Variants in C1orf21 observed in about 807,000 individuals in gnomAD.
C1orf21 encodes the protein chromosome 1 open reading frame 21, also known as uncharacterized protein C1orf21.
C1orf21 carries 3 observed loss-of-function variants against 18.7 expected under a neutral mutation model. The ratio of observed to expected loss-of-function variants is 0.16; its 90% CI spans 0.07 to 0.42. The LOEUF is 0.42. Ranked by LOEUF, C1orf21 falls within the 10% of genes least tolerant of loss-of-function variation. The pLI, the probability that C1orf21 is intolerant of heterozygous loss-of-function variation, is 0.99. For synonymous variants in C1orf21, 41 were observed against 46.4 expected, an observed-to-expected ratio of 0.88 and a Z score of 0.47; for missense variants, 104 against 143.6, an observed-to-expected ratio of 0.72 and a Z score of 1.41.
intron 1 of C1orf21, among the ~76,000 whole-genome samples, chr1:184,445,723 A>G (rs1484866602): frequency 1.3e-5 from 2 of 152,184 alleles, no homozygotes; most frequent in South Asian, 4.1e-4. Flanking sequence ...TGTGGCCCTT[A>G]GGAGGGCATT....
intron 3 of C1orf21, among the ~76,000 whole-genome samples, chr1:184,579,204 ATTTT>A (rs71101937): frequency 5.1e-5 from 7 of 136,726 alleles, no homozygotes; most frequent in East Asian, 2.1e-4. Flanking sequence ...TGCCTGGCTA[ATTTT>A]TTTTTTTTTT....
chr1:184,480,813 A>C (rs1411518208), intron 2 of C1orf21, among the ~76,000 whole-genome samples: 1 of 152,104 alleles, frequency 6.6e-6, no homozygotes, highest in Non-Finnish European at 1.5e-5. Context: ...GGAGGGAGTG[A>C]GCAGTTGGGG....
chr1:184,627,029 C>T lies in C1orf21; in HGVS notation c.*7473C>T, dbSNP rs1660022655. The T allele has an allele frequency of 6.6e-6, 1 of 152,640 alleles. No homozygotes were observed. Among genetic ancestry groups the T allele is most frequent in the Non-Finnish European group, 1.5e-5 (1 of 68,074 alleles). 9.5% of individuals were successfully genotyped at this position (152,640 alleles called of 1,614,324 possible). A position where few individuals can be genotyped will look rare whatever the true frequency, so the allele number is the denominator to read the frequency against. On this transcript the variant is annotated 3_prime_UTR_variant, in exon 6 of 6. Coordinates refer to ENST00000235307, the MANE Select transcript of C1orf21 (RefSeq NM_030806.4). ...CATACACCTGGTGGCCAAGCCTCTGCTGGGTCCCAAATACACACCCGAGTC... is the reference window on the plus strand; with the variant it reads ...CATACACCTGGTGGCCAAGCCTCTGTTGGGTCCCAAATACACACCCGAGTC...
At chr1:184,419,832 G>C (rs1439982119) in intron 1 of C1orf21, among the ~76,000 whole-genome samples, 2 of 152,166 alleles carry the variant, frequency 1.3e-5, no homozygotes, top group Admixed American at 1.3e-4. Flanking sequence ...TGGCTGGAGG[G>C]ATGAGCAAAG....
chr1:184,442,347 A>G (rs1294584062), intron 1 of C1orf21, among the ~76,000 whole-genome samples: 1 of 152,170 alleles, frequency 6.6e-6, no homozygotes, highest in Admixed American at 6.5e-5. Context: ...GGCCTTTGTT[A>G]AGTCACTTTG....
chr1:184,511,971 T>G (rs1252302157), intron 3 of C1orf21, among the ~76,000 whole-genome samples: 1 of 152,264 alleles, frequency 6.6e-6, no homozygotes, highest in Non-Finnish European at 1.5e-5. Context: ...TAATTTAAAA[T>G]GAGACTTGGG....
intron 3 of C1orf21, among the ~76,000 whole-genome samples, chr1:184,564,485 T>G (rs1323995579): frequency 5.9e-5 from 9 of 152,086 alleles, no homozygotes; most frequent in African/African-American, 2.2e-4. Flanking sequence ...TTTTTGTATT[T>G]TTAGTAGAGA....
intron 3 of C1orf21, among the ~76,000 whole-genome samples, chr1:184,569,286 G>A (rs754804962): frequency 5.3e-5 from 8 of 152,294 alleles, no homozygotes; most frequent in Middle Eastern, 3.4e-3. Flanking sequence ...GTGGTGGTTC[G>A]CTAATTTGGA....
At chr1:184,554,598 A>G (rs1375371292) in intron 3 of C1orf21, among the ~76,000 whole-genome samples, 1 of 152,246 alleles carries the variant, frequency 6.6e-6, no homozygotes, top group Non-Finnish European at 1.5e-5. Context: ...TAAAAAAATA[A>G]GTGATGGTTT....
At position 184,425,360 on chromosome 1, in the gene C1orf21, G is replaced by T. The variant is rs1419571410; in HGVS notation, c.-125+37992G>T. 2.0e-5 allele frequency among the ~76,000 whole-genome samples: 3 copies of T among 151,876 alleles called. No homozygotes were observed. In the South Asian group the frequency reaches 6.3e-4, roughly 32 times the overall value. ...TTGGCCCTGCAGCCTCCACCTCCTG[G>T]GTTCAAGCAATCCTCCTGCCTCAGC... On this transcript the variant is annotated intron_variant, in intron 1 of 5. Transcript: ENST00000235307.
chr1:184,580,942 A>G (rs546298660), intron 3 of C1orf21, among the ~76,000 whole-genome samples: 1 of 152,304 alleles, frequency 6.6e-6, no homozygotes, highest in African/African-American at 2.4e-5. Flanking sequence ...CCTCTCTTGA[A>G]TTTAGATGTG....
intron 1 of C1orf21, among the ~76,000 whole-genome samples, chr1:184,441,078 T>C (rs1656936520): frequency 6.6e-6 from 1 of 152,192 alleles, no homozygotes; most frequent in Non-Finnish European, 1.5e-5. Flanking sequence ...CCTCTTAAAA[T>C]TCTAAGTCTT....
Position 184,612,593 on chromosome 1 carries a change from G to A in C1orf21, c.328-6925G>A, listed in dbSNP as rs147906361. Among the ~76,000 whole-genome samples, 1,134 of 152,216 alleles carry A rather than the reference G, an allele frequency of 7.4e-3. 14 individuals are homozygous for A. The highest frequency in any genetic ancestry group is 0.026 in the African/African-American group (1,091 of 41,528). ...ATACAAAAATTAGCCAGGCGTGGTG[G>A]TGCATGCTACTCGGGAGGCGAAGGT... On this transcript the variant is annotated intron_variant, in intron 5 of 5. Coordinates refer to ENST00000235307, the MANE Select transcript of C1orf21 (RefSeq NM_030806.4).
In C1orf21 at chr1:184,411,856, T is replaced by A. The variant is rs114690800; in HGVS notation, c.-125+24488T>A. On this transcript the variant is annotated intron_variant, in intron 1 of 5. Transcript: ENST00000235307. Reference sequence around the variant, plus strand: ...GATGTGAGATACAAAACTTATTTGATGCTCTCCTGGTGCTAATATGGTTGG... The same window carrying A: ...GATGTGAGATACAAAACTTATTTGAAGCTCTCCTGGTGCTAATATGGTTGG... 8.6e-3 allele frequency among the ~76,000 whole-genome samples: 1,314 copies of A among 152,100 alleles called. 17 individuals are homozygous for A. The highest frequency in any genetic ancestry group is 0.03 in the African/African-American group (1,257 of 41,332).
At position 184,621,652 on chromosome 1, in the gene C1orf21, A is replaced by G. The variant is rs1307651370; in HGVS notation, c.*2096A>G. The G allele has an allele frequency of 2.0e-5, 3 of 152,170 alleles. No homozygotes were observed. The highest frequency in any genetic ancestry group is 3.9e-4 in the East Asian group (2 of 5,194). 9.4% of individuals were successfully genotyped at this position (152,170 alleles called of 1,614,324 possible). ...TGTCTCAGACAGTGTCTTCCCAGAA[A>G]ACCACCACCCTCTACCCAAAGATGA... On this transcript the variant is annotated 3_prime_UTR_variant, in exon 6 of 6. Coordinates refer to ENST00000235307, the MANE Select transcript of C1orf21 (RefSeq NM_030806.4).
chr1:184,478,190 G>A (rs1336509340), intron 2 of C1orf21, among the ~76,000 whole-genome samples: 1 of 152,090 alleles, frequency 6.6e-6, no homozygotes, highest in Non-Finnish European at 1.5e-5. Context: ...GTCCAAAAGG[G>A]GAGTGAGTGA....
intron 3 of C1orf21, among the ~76,000 whole-genome samples, chr1:184,565,641 T>G (rs1324088739): frequency 6.6e-6 from 1 of 152,256 alleles, no homozygotes; most frequent in Non-Finnish European, 1.5e-5. Context: ...GGCATTGGAA[T>G]TATAAACAAG....
chr1:184,436,355 G>C (rs1433087167), intron 1 of C1orf21, among the ~76,000 whole-genome samples: 1 of 152,104 alleles, frequency 6.6e-6, no homozygotes, highest in Non-Finnish European at 1.5e-5. Flanking sequence ...GGAAGTGTTT[G>C]AGATTTGGAG....
intron 2 of C1orf21, 40 bp from the exon 3 acceptor site, chr1:184,507,547 GA>G (rs768672730): frequency 8.5e-6 from 13 of 1,527,458 alleles, no homozygotes; most frequent in South Asian, 3.8e-5. Flanking sequence ...CTACTATTGG[GA>G]AAAAAATTAT....
Sources: allele counts gnomAD v4.1 joint callset (sites outside exome capture counted in the v4.1 genomes callset), GRCh38; gene constraint gnomAD v4.1.1; transcripts MANE v1.5; gene names NCBI Gene and HGNC (gene_info 2026-07-23, HGNC 2026-07-21).